The following KIAA0930 variants were observed in gnomAD, a reference collection of about 807,000 sequenced individuals.
KIAA0930 encodes the protein KIAA0930, also known as uncharacterized protein KIAA0930.
A neutral mutation model predicts 43.9 loss-of-function variants in KIAA0930; 24 were observed. That is an observed-to-expected ratio of 0.55 (90% CI 0.40 to 0.77). The LOEUF (loss-of-function observed/expected upper bound fraction) is 0.77. Ranked by LOEUF, KIAA0930 falls within the 30% of genes least tolerant of loss-of-function variation. The pLI, the probability that KIAA0930 is intolerant of heterozygous loss-of-function variation, is 0.00. For synonymous variants in KIAA0930, 259 were observed against 216.4 expected (o/e 1.20, Z -1.73); for missense variants, 461 against 574.2 (o/e 0.80, Z 2.02).
intron 1 of KIAA0930, among the ~76,000 whole-genome samples, chr22:45,233,052 G>A (rs2083864032): frequency 6.6e-6 from 1 of 152,128 alleles, no homozygotes; most frequent in East Asian, 1.9e-4. Context: ...GATCAGGAAG[G>A]TGGAGGAAGG....
intron 5 of KIAA0930, among the ~76,000 whole-genome samples, chr22:45,204,295 TA>T (rs1483738034): frequency 6.6e-6 from 1 of 152,094 alleles, no homozygotes; most frequent in Non-Finnish European, 1.5e-5. Flanking sequence ...CCACACCGCC[TA>T]GGGGTGCCCA....
chr22:45,197,140 G>A lies in KIAA0930; in HGVS notation c.*36C>T, dbSNP rs1207462976. ...GCACTTGGCAGCACTCCGAGGGCTG[G>A]GCCCGGCCGGGGCTCTGCGCAGGCT... On this transcript the variant is annotated 3_prime_UTR_variant, in exon 10 of 10. Coordinates refer to ENST00000336156, the MANE Select transcript of KIAA0930 (RefSeq NM_001009880.2). 1.3e-6 allele frequency: 2 copies of A among 1,523,700 alleles called. No individual in the cohort carries two copies. Among genetic ancestry groups the A allele is most frequent in the Non-Finnish European group, 1.8e-6 (2 of 1,130,824 alleles). The allele number at this position is 1,523,700 out of a possible 1,614,324, so 94.4% of individuals were successfully genotyped here. A position where few individuals can be genotyped will look rare whatever the true frequency, so the allele number is the denominator to read the frequency against.
chr22:45,212,471 G>A (rs542139486), intron 1 of KIAA0930: 7 of 1,445,396 alleles, frequency 4.8e-6, no homozygotes, highest in African/African-American at 1.4e-5. Context: ...AGCCGGGAAG[G>A]CTTGGCTGGG....
rs2083514490 is a variant in KIAA0930 at position 45,194,066 on chromosome 22, T to TC, written c.*3109_*3110insG. 2 of 99,026 alleles carry TC rather than the reference T, an allele frequency of 2.0e-5. No homozygotes were observed. Among genetic ancestry groups the TC allele is most frequent in the South Asian group, 7.1e-4 (2 of 2,804 alleles). 6.1% of individuals were successfully genotyped at this position (99,026 alleles called of 1,614,324 possible). A position where few individuals can be genotyped will look rare whatever the true frequency, so the allele number is the denominator to read the frequency against. The stretch of plus-strand genomic sequence containing the variant: ...GACCAATGTATCTTTTTTTTTTTTT[T>TC]TTTTTTTTTTTTTTTTTTTTTTTTT... On this transcript the variant is annotated 3_prime_UTR_variant, in exon 10 of 10. Transcript: ENST00000336156.
At chr22:45,214,425 G>A (rs1233430543) in intron 1 of KIAA0930, among the ~76,000 whole-genome samples, 2 of 152,190 alleles carry the variant, frequency 1.3e-5, no homozygotes, top group Admixed American at 1.3e-4. Context: ...CTACACTGTG[G>A]ATAAACCTCA....
chr22:45,238,579 C>T (rs147843635), intron 1 of KIAA0930, among the ~76,000 whole-genome samples: 289 of 152,230 alleles, frequency 1.9e-3, no homozygotes, highest in Admixed American at 3.5e-3. Context: ...TAAAGGAAAA[C>T]TTAGAGATGC....
intron 1 of KIAA0930, among the ~76,000 whole-genome samples, chr22:45,240,153 CA>C (rs2083907986): frequency 6.6e-6 from 1 of 152,088 alleles, no homozygotes; most frequent in Non-Finnish European, 1.5e-5. Context: ...TGCGGAAAGA[CA>C]AAGGCTTCGG....
rs2083498059 is a variant in KIAA0930 at position 45,192,502 on chromosome 22, G to T, written c.*4674C>A. The stretch of plus-strand genomic sequence containing the variant: ...TGTAGAAGTCATAATTCATAGTGAA[G>T]AATCTCAACAGGTTTTCTTACAGAT... On this transcript the variant is annotated 3_prime_UTR_variant, in exon 10 of 10. Transcript: ENST00000336156. The T allele has an allele frequency of 6.6e-6, 1 of 152,186 alleles. No homozygotes were observed. The highest frequency in any genetic ancestry group is 2.1e-4 in the South Asian group (1 of 4,832). The allele number at this position is 152,186 out of a possible 1,614,324, so 9.4% of individuals were successfully genotyped here. A position where few individuals can be genotyped will look rare whatever the true frequency, so the allele number is the denominator to read the frequency against.
chr22:45,198,108 C>T, intron 8 of KIAA0930, 160 bp from the exon 9 acceptor site: 2 of 656,122 alleles, frequency 3.0e-6, no homozygotes, highest in South Asian at 1.9e-5. Context: ...AGAGCTGCTG[C>T]CTCCTCGCCT....
At chr22:45,234,999 CTT>C (rs3215445) in intron 1 of KIAA0930, among the ~76,000 whole-genome samples, 2 of 151,306 alleles carry the variant, frequency 1.3e-5, no homozygotes, top group Admixed American at 6.6e-5. Flanking sequence ...GTGCATGTGA[CTT>C]TTTTTTTAAT....
At chr22:45,209,090 C>G (rs1179935389) in intron 2 of KIAA0930, among the ~76,000 whole-genome samples, 1 of 152,228 alleles carries the variant, frequency 6.6e-6, no homozygotes, top group Non-Finnish European at 1.5e-5. Flanking sequence ...GTCCCTTGGG[C>G]CCTGGAGCAC....
chr22:45,212,337 A>C (rs2034855615), intron 1 of KIAA0930: 2 of 1,611,784 alleles, frequency 1.2e-6, no homozygotes, highest in Non-Finnish European at 8.5e-7. Context: ...GCAGCCTGAG[A>C]GCCCATGCTC....
At chr22:45,197,317 A>C in intron 9 of KIAA0930, 101 bp from the exon 10 acceptor site, 1 of 1,013,978 alleles carries the variant, frequency 9.9e-7, no homozygotes, top group Non-Finnish European at 1.5e-6. Context: ...CGCCTCAGCC[A>C]CTCATGCATC....
chr22:45,200,081 T>TC, intron 7 of KIAA0930, 46 bp from the exon 8 acceptor site: 4 of 1,521,930 alleles, frequency 2.6e-6, no homozygotes, highest in Non-Finnish European at 3.5e-6. Flanking sequence ...AACAGCCCCC[T>TC]CCCCGGGGGT....
At chr22:45,212,447 G>A in intron 1 of KIAA0930, 4 of 1,474,568 alleles carry the variant, frequency 2.7e-6, no homozygotes, top group African/African-American at 1.4e-5. Flanking sequence ...TGGCTGGCTG[G>A]TGTCTGGGCT....
chr22:45,232,617 G>A (rs920705995), intron 1 of KIAA0930, among the ~76,000 whole-genome samples: 4 of 152,186 alleles, frequency 2.6e-5, no homozygotes, highest in African/African-American at 7.2e-5. Context: ...CCCCCAGGAC[G>A]GGCTGTGACC....
chr22:45,236,724 T>C (rs1046164797), intron 1 of KIAA0930, among the ~76,000 whole-genome samples: 5 of 152,100 alleles, frequency 3.3e-5, no homozygotes, highest in Admixed American at 6.6e-5. Context: ...GGCACCTTAC[T>C]TCCCCCCAAC....
At chr22:45,201,110 A>G in intron 7 of KIAA0930, 5 of 450,684 alleles carry the variant, frequency 1.1e-5, no homozygotes, top group Admixed American at 2.5e-5. Context: ...GACATCCACC[A>G]AAGTCCTGGC....
Position 45,237,654 on chromosome 22 carries a change from AAAC to A in KIAA0930, c.64+2983_64+2985del, listed in dbSNP as rs966830586. 4.3e-4 allele frequency among the ~76,000 whole-genome samples: 66 copies of A among 152,348 alleles called. 1 individual carries two copies. Among genetic ancestry groups the A allele is most frequent in the African/African-American group, 1.1e-3 (44 of 41,578 alleles). The stretch of plus-strand genomic sequence containing the variant: ...TTTCTGAGTAACCCAAGCTTTTGCT[AAAC>A]AACAACAAAAATCTGGGAGATTTAA... On this transcript the variant is annotated intron_variant, in intron 1 of 9. Coordinates refer to ENST00000336156, the MANE Select transcript of KIAA0930 (RefSeq NM_001009880.2).
Sources: gnomAD v4.1 joint callset for allele counts (sites outside exome capture counted in the v4.1 genomes callset) on GRCh38, gnomAD v4.1.1 for gene constraint, MANE v1.5 for transcripts, NCBI Gene and HGNC (gene_info 2026-07-23, HGNC 2026-07-21) for gene names.